The following DOCK4 variants were observed in gnomAD, a reference collection of about 807,000 sequenced individuals.
DOCK4 encodes dedicator of cytokinesis protein 4.
In DOCK4, 97 loss-of-function variants were observed where a neutral mutation model predicts 268.1. That is an observed-to-expected ratio of 0.36 (90% CI 0.31 to 0.43). The LOEUF is 0.43. Ranked by LOEUF, DOCK4 falls within the 20% of genes least tolerant of loss-of-function variation. The pLI, the probability that DOCK4 is intolerant of heterozygous loss-of-function variation, is 1.00. For missense variants in DOCK4, 2,145 were observed against 2,455.7 expected (o/e 0.87, Z 2.67); for synonymous variants, 954 against 887.2 (o/e 1.08, Z -1.34).
chr7:112,034,888 A>T lies in DOCK4; in HGVS notation c.38-30757T>A, dbSNP rs556921569. Among the ~76,000 whole-genome samples, 13 of 152,290 alleles carry T rather than the reference A, an allele frequency of 8.5e-5. 1 individual carries two copies. In the South Asian group the frequency reaches 2.3e-3, roughly 27 times the overall value. On this transcript the variant is annotated intron_variant, in intron 1 of 52. Transcript: ENST00000428084. ...TTGCACTCCAGCCTGGGAGACAGAA[A>T]AAATGACTCAGTCTCAAAACAAACA...
At chr7:112,136,873 A>T (rs2116213202) in intron 1 of DOCK4, among the ~76,000 whole-genome samples, 1 of 152,318 alleles carries the variant, frequency 6.6e-6, no homozygotes, top group Non-Finnish European at 1.5e-5. Flanking sequence ...AGGAGCTTTT[A>T]TTTATGATAT....
At chr7:111,796,659 TA>T (rs1486206980) in intron 30 of DOCK4, among the ~76,000 whole-genome samples, 2 of 151,764 alleles carry the variant, frequency 1.3e-5, no homozygotes, top group Non-Finnish European at 2.9e-5. Flanking sequence ...CATTTTTTTT[TA>T]AAGGTAAGTG....
At chr7:112,090,328 C>T (rs1361141883) in intron 1 of DOCK4, among the ~76,000 whole-genome samples, 1 of 152,100 alleles carries the variant, frequency 6.6e-6, no homozygotes, top group African/African-American at 2.4e-5. Flanking sequence ...TGCATTTAGA[C>T]ATTCTGTACA....
chr7:111,853,237 TCA>T (rs1382570061), intron 23 of DOCK4, among the ~76,000 whole-genome samples: 1 of 152,142 alleles, frequency 6.6e-6, no homozygotes, highest in Non-Finnish European at 1.5e-5. Flanking sequence ...TCAGCATCAG[TCA>T]CCAAGAGCGC....
chr7:111,875,578 T>C (rs1318774503), intron 17 of DOCK4, among the ~76,000 whole-genome samples: 1 of 152,232 alleles, frequency 6.6e-6, no homozygotes, highest in Admixed American at 6.5e-5. Context: ...TACACTGGAT[T>C]ATCCAGCTCA....
intron 25 of DOCK4, among the ~76,000 whole-genome samples, chr7:111,844,165 C>G (rs542299950): frequency 2.0e-5 from 3 of 152,142 alleles, no homozygotes; most frequent in Non-Finnish European, 4.4e-5. Flanking sequence ...ATCCCAGCTA[C>G]TCAAGAGGCT....
In DOCK4 at chr7:112,048,909, A is replaced by G. The variant is rs545269757; in HGVS notation, c.38-44778T>C. 4.6e-5 allele frequency among the ~76,000 whole-genome samples: 7 copies of G among 152,172 alleles called. No individual in the cohort carries two copies. The South Asian group carries it at 1.5e-3, about 32-fold the overall frequency. ...GTATTAAGCCCCACACGCATTAGCT[A>G]TTTATCCTGATGATCTCCCTCCCCC... On this transcript the variant is annotated intron_variant, in intron 1 of 52. Coordinates refer to ENST00000428084, the MANE Select transcript of DOCK4 (RefSeq NM_001363540.2).
At chr7:112,064,052 G>A (rs1806699915) in intron 1 of DOCK4, among the ~76,000 whole-genome samples, 1 of 152,144 alleles carries the variant, frequency 6.6e-6, no homozygotes, top group Non-Finnish European at 1.5e-5. Context: ...TTTTGATTTG[G>A]AAATTAACTA....
At chr7:111,804,550 T>C (rs1233886758) in intron 30 of DOCK4, among the ~76,000 whole-genome samples, 1 of 152,168 alleles carries the variant, frequency 6.6e-6, no homozygotes, top group Non-Finnish European at 1.5e-5. Flanking sequence ...ATACTTAATA[T>C]CACTGAGCTG....
At chr7:111,995,658 T>G (rs1328884947) in intron 4 of DOCK4, among the ~76,000 whole-genome samples, 4 of 152,226 alleles carry the variant, frequency 2.6e-5, no homozygotes, top group African/African-American at 9.6e-5. Flanking sequence ...AGCATGAGAC[T>G]AATAACTGTT....
In DOCK4 at chr7:111,961,634, C is replaced by T. The variant is rs1426098354; in HGVS notation, c.701+15498G>A. The stretch of plus-strand genomic sequence containing the variant: ...AGAATCTTTATTAATCTTCTAAAAG[C>T]TGCCTATTTTAAGTCTGAATCAAGG... On this transcript the variant is annotated intron_variant, in intron 8 of 52. Transcript: ENST00000428084. 4.6e-5 allele frequency among the ~76,000 whole-genome samples: 7 copies of T among 152,196 alleles called. No individual in the cohort carries two copies. The East Asian group carries it at 5.8e-4, about 13-fold the overall frequency.
intron 1 of DOCK4, among the ~76,000 whole-genome samples, chr7:112,021,229 C>T (rs182994318): frequency 1.8e-4 from 28 of 152,310 alleles, no homozygotes; most frequent in East Asian, 1.4e-3. Context: ...TAGCACACTT[C>T]GGCAAATCTG....
intron 1 of DOCK4, among the ~76,000 whole-genome samples, chr7:112,159,152 C>T (rs950112044): frequency 1.3e-5 from 2 of 152,166 alleles, no homozygotes; most frequent in African/African-American, 2.4e-5. Context: ...ATGTTATTGT[C>T]TCATAAAATG....
At chr7:111,934,523 G>GTTTTTTTTTTTTTTTTTTTTTT (rs1183672033) in intron 12 of DOCK4, among the ~76,000 whole-genome samples, 2 of 83,874 alleles carry the variant, frequency 2.4e-5, no homozygotes, top group African/African-American at 8.1e-5. Context: ...TTTTGTTTTT[G>GTTTTTTTTTTTTTTTTTTTTTT]TTTTTTTTTT....
At chr7:111,836,733 A>T (rs1001425999) in intron 25 of DOCK4, among the ~76,000 whole-genome samples, 1 of 152,156 alleles carries the variant, frequency 6.6e-6, no homozygotes, top group Non-Finnish European at 1.5e-5. Context: ...ACAATTTGTG[A>T]GATGAATATT....
chr7:111,766,759 T>C (rs1174341589), intron 38 of DOCK4, among the ~76,000 whole-genome samples: 1 of 152,212 alleles, frequency 6.6e-6, no homozygotes, highest in African/African-American at 2.4e-5. Context: ...GGTGGAGATT[T>C]TCCACAATAA....
intron 1 of DOCK4, among the ~76,000 whole-genome samples, chr7:112,083,790 GAGGATC>G: frequency 6.6e-6 from 1 of 152,248 alleles, no homozygotes; most frequent in South Asian, 2.1e-4. Context: ...AACCTTGTTA[GAGGATC>G]ATACCAAAGG....
intron 1 of DOCK4, among the ~76,000 whole-genome samples, chr7:112,008,814 C>T (rs931638318): frequency 2.0e-5 from 3 of 152,072 alleles, no homozygotes; most frequent in African/African-American, 4.8e-5. Context: ...GCTAACATGG[C>T]GAAACCCCGT....
intron 6 of DOCK4, among the ~76,000 whole-genome samples, chr7:111,986,676 G>A (rs888676529): frequency 6.6e-6 from 1 of 152,152 alleles, no homozygotes; most frequent in African/African-American, 2.4e-5. Context: ...TAGCAGAAAA[G>A]TCAAAGAACA....
Sources: gnomAD v4.1 joint callset for allele counts (sites outside exome capture counted in the v4.1 genomes callset) on GRCh38, gnomAD v4.1.1 for gene constraint, MANE v1.5 for transcripts, NCBI Gene and HGNC (gene_info 2026-07-23, HGNC 2026-07-21) for gene names.